Variants in ENOX2 observed in about 807,000 individuals in gnomAD.
The protein encoded by ENOX2 is APK1 antigen.
In ENOX2, 36 loss-of-function variants were observed where a neutral mutation model predicts 45.0. The ratio of observed to expected loss-of-function variants is 0.80; its 90% CI spans 0.61 to 1.06. The LOEUF (loss-of-function observed/expected upper bound fraction) is 1.06, where lower values mean the gene tolerates loss of function less well. Ranked by LOEUF, ENOX2 falls within the 50% of genes least tolerant of loss-of-function variation. The pLI is 0.00. For synonymous variants in ENOX2, 174 were observed against 152.3 expected, an observed-to-expected ratio of 1.14 and a Z score of -1.05; for missense variants, 423 against 462.5, an observed-to-expected ratio of 0.91 and a Z score of 0.78.
At chrX:130,822,584 A>G (rs2148470983) in intron 2 of ENOX2, among the ~76,000 whole-genome samples, 2 of 109,808 alleles carry the variant, frequency 1.8e-5, no homozygotes, top group East Asian at 5.7e-4. Flanking sequence ...CAATGAGAAC[A>G]CATGGACACA....
intron 2 of ENOX2, among the ~76,000 whole-genome samples, chrX:130,851,810 C>T (rs978831861): frequency 2.7e-5 from 3 of 112,021 alleles, no homozygotes; most frequent in East Asian, 2.8e-4. Flanking sequence ...TAGCTATTCC[C>T]CTGTAAAATC....
chrX:130,840,205 A>G (rs1156835024), intron 2 of ENOX2, among the ~76,000 whole-genome samples: 1 of 111,790 alleles, frequency 8.9e-6, no homozygotes, highest in Non-Finnish European at 1.9e-5. Context: ...ATTTATAGAG[A>G]GCATATCACC....
At chrX:130,625,496 T>C in intron 14 of ENOX2, 51 bp from the exon 15 acceptor site, 1 of 1,163,536 alleles carries the variant, frequency 8.6e-7, no homozygotes, top group South Asian at 1.9e-5. Context: ...ATTTTCCTAA[T>C]CTTCTTTCCC....
chrX:130,842,153 C>T (rs1249669414), intron 2 of ENOX2, among the ~76,000 whole-genome samples: 1 of 112,761 alleles, frequency 8.9e-6, no homozygotes. Context: ...CCAGGCTGGC[C>T]TTAATACACC....
chrX:130,814,139 G>A (rs780740490), intron 2 of ENOX2, among the ~76,000 whole-genome samples: 5 of 112,324 alleles, frequency 4.5e-5, no homozygotes, highest in African/African-American at 6.5e-5. Flanking sequence ...AGGTTCGAAG[G>A]GGGTGGAGCC....
At chrX:130,782,440 T>C (rs2076911037) in intron 3 of ENOX2, among the ~76,000 whole-genome samples, 1 of 111,779 alleles carries the variant, frequency 8.9e-6, no homozygotes, top group African/African-American at 3.3e-5. Flanking sequence ...TCCTTGGCTA[T>C]ACACCATGCC....
chrX:130,845,871 A>T lies in ENOX2; in HGVS notation c.-183+55813T>A, dbSNP rs1405701406. The stretch of plus-strand genomic sequence containing the variant: ...TATATCATGTAAAAGGTTAAGAAGC[A>T]AAACAAGAATATTTAAAATAAGTAG... On this transcript the variant is annotated intron_variant, in intron 2 of 14. Coordinates refer to ENST00000394363, the MANE Select transcript of ENOX2 (RefSeq NM_006375.4). Among the ~76,000 whole-genome samples the T allele has an allele frequency of 1.2e-4, 14 of 112,407 alleles. No individual in the cohort carries two copies. The Admixed American group carries it at 1.3e-3, about 11-fold the overall frequency.
At chrX:130,683,582 C>T (rs1291698793) in intron 5 of ENOX2, among the ~76,000 whole-genome samples, 2 of 111,450 alleles carry the variant, frequency 1.8e-5, no homozygotes, top group Non-Finnish European at 3.8e-5. Context: ...TACTTATTCC[C>T]TGTTCACTGT....
chrX:130,732,274 C>T (rs1290807225), intron 3 of ENOX2, among the ~76,000 whole-genome samples: 1 of 111,734 alleles, frequency 8.9e-6, no homozygotes, highest in Non-Finnish European at 1.9e-5. Context: ...GAATAAAATA[C>T]TTAGTAATAA....
chrX:130,818,416 A>C (rs970891016), intron 2 of ENOX2, among the ~76,000 whole-genome samples: 15 of 111,832 alleles, frequency 1.3e-4, no homozygotes, highest in Admixed American at 9.5e-5. Flanking sequence ...TTTCATATGG[A>C]ACAAAAAAGA....
chrX:130,877,705 T>TG (rs2078732464), intron 2 of ENOX2, among the ~76,000 whole-genome samples: 1 of 111,937 alleles, frequency 8.9e-6, no homozygotes, highest in Admixed American at 9.5e-5. Context: ...TTACTGGGAA[T>TG]GATTCCGATA....
chrX:130,758,681 C>G (rs2039407216), intron 3 of ENOX2, among the ~76,000 whole-genome samples: 1 of 111,861 alleles, frequency 8.9e-6, no homozygotes, highest in Admixed American at 9.4e-5. Flanking sequence ...TTTTACATTC[C>G]CATCAGAAAT....
At chrX:130,745,069 C>T (rs1485257334) in intron 3 of ENOX2, among the ~76,000 whole-genome samples, 4 of 111,676 alleles carry the variant, frequency 3.6e-5, no homozygotes, top group Non-Finnish European at 3.8e-5. Context: ...TTGTCTTCCA[C>T]GAAACCGGTC....
intron 3 of ENOX2, among the ~76,000 whole-genome samples, chrX:130,742,426 T>C (rs1329896692): frequency 9.1e-6 from 1 of 109,330 alleles, no homozygotes; most frequent in Non-Finnish European, 1.9e-5. Context: ...ATGAATGGAT[T>C]GACAACAATT....
intron 2 of ENOX2, among the ~76,000 whole-genome samples, chrX:130,818,530 G>A (rs2077532073): frequency 9.0e-6 from 1 of 111,662 alleles, no homozygotes; most frequent in African/African-American, 3.3e-5. Context: ...AAAACAGCAT[G>A]GTACTGGTAC....
chrX:130,813,632 G>A (rs1030759421), intron 2 of ENOX2, among the ~76,000 whole-genome samples: 3 of 111,739 alleles, frequency 2.7e-5, no homozygotes, highest in Non-Finnish European at 5.7e-5. Flanking sequence ...ATCACCTCAC[G>A]CGGGAAGCTC....
Position 130,670,205 on chromosome X carries a change from C to T in ENOX2, c.461-7G>A, listed in dbSNP as rs749179000. 4.3e-6 allele frequency: 5 copies of T among 1,158,060 alleles called. No homozygotes were observed. Among genetic ancestry groups the T allele is most frequent in the Non-Finnish European group, 4.7e-6 (4 of 850,238 alleles). On this transcript the variant is annotated splice_polypyrimidine_tract_variant and splice_region_variant and intron_variant, in intron 6 of 14. Coordinates refer to ENST00000394363, the MANE Select transcript of ENOX2 (RefSeq NM_006375.4). ...CCCAGGCGAATGCGGTAACCTAAGT[C>T]CACAGGAGGGTGAAAGGGAGAGGAG... is the stretch of plus-strand genomic sequence containing the variant.
At chrX:130,695,771 T>C (rs1278069392) in intron 4 of ENOX2, among the ~76,000 whole-genome samples, 1 of 112,128 alleles carries the variant, frequency 8.9e-6, no homozygotes, top group Non-Finnish European at 1.9e-5. Flanking sequence ...GCCTGTGTAC[T>C]GGGAAATTTT....
intron 10 of ENOX2, among the ~76,000 whole-genome samples, chrX:130,639,507 C>G (rs1186763325): frequency 8.9e-6 from 1 of 112,290 alleles, no homozygotes; most frequent in Non-Finnish European, 1.9e-5. Context: ...TTTCTTTCAC[C>G]TAGTACATCA....
Sources: allele counts gnomAD v4.1 joint callset (sites outside exome capture counted in the v4.1 genomes callset), GRCh38; gene constraint gnomAD v4.1.1; transcripts MANE v1.5; gene names NCBI Gene and HGNC (gene_info 2026-07-23, HGNC 2026-07-21).